PAK5: variants seen among roughly 807,000 people sequenced by gnomAD.
The protein encoded by PAK5 is serine/threonine-protein kinase PAK 5.
Under a neutral mutation model 65.9 loss-of-function variants are expected in PAK5, and 16 were observed. The ratio of observed to expected loss-of-function variants is 0.24; its 90% CI spans 0.16 to 0.37. The LOEUF is 0.37. Ranked by LOEUF, PAK5 falls within the 10% of genes least tolerant of loss-of-function variation. PAK5 has a pLI of 1.00. For synonymous variants in PAK5, 371 were observed against 354.9 expected, an observed-to-expected ratio of 1.05 and a Z score of -0.51; for missense variants, 785 against 903.9, an observed-to-expected ratio of 0.87 and a Z score of 1.69.
At chr20:9,625,332 TA>T (rs2046829011) in intron 3 of PAK5, among the ~76,000 whole-genome samples, 1 of 152,188 alleles carries the variant, frequency 6.6e-6, no homozygotes, top group South Asian at 2.1e-4. Context: ...AATGGAAGAA[TA>T]ATCCATTGAG....
chr20:9,807,104 G>T (rs1600395402), intron 1 of PAK5, among the ~76,000 whole-genome samples: 1 of 152,220 alleles, frequency 6.6e-6, no homozygotes, highest in African/African-American at 2.4e-5. Flanking sequence ...GTGTGATCAT[G>T]TTGGGCCTAC....
At position 9,617,549 on chromosome 20, in the gene PAK5, C is replaced by CTTTT. The variant is rs532259417; in HGVS notation, c.204+26572_204+26575dup. Among the ~76,000 whole-genome samples, 281 of 94,606 alleles carry CTTTT rather than the reference C, an allele frequency of 3.0e-3. 8 individuals carry two copies. The highest frequency in any genetic ancestry group is 8.9e-3 in the African/African-American group (244 of 27,346). 62.1% of individuals were successfully genotyped at this position (94,606 alleles called of 152,430 possible). ...GGGATGAGACCCAAGAATCCCAATC[C>CTTTT]TTTTTTTTTTTTTTTTTTTTTTTTG... is the stretch of plus-strand genomic sequence containing the variant. On this transcript the variant is annotated intron_variant, in intron 3 of 9. Coordinates refer to ENST00000353224, the MANE Select transcript of PAK5 (RefSeq NM_177990.4).
intron 3 of PAK5, among the ~76,000 whole-genome samples, chr20:9,612,225 T>G (rs1218805531): frequency 6.6e-6 from 1 of 152,214 alleles, no homozygotes; most frequent in Non-Finnish European, 1.5e-5. Context: ...CAGTTCTCAC[T>G]GGGCCCTGTC....
chr20:9,677,435 G>A (rs1479899658), intron 2 of PAK5, among the ~76,000 whole-genome samples: 3 of 152,116 alleles, frequency 2.0e-5, no homozygotes, highest in Non-Finnish European at 4.4e-5. Context: ...TAGGAGCAGG[G>A]CCTGCACCAT....
intron 1 of PAK5, among the ~76,000 whole-genome samples, chr20:9,745,496 T>C (rs935771772): frequency 3.3e-5 from 5 of 152,154 alleles, no homozygotes; most frequent in Non-Finnish European, 7.4e-5. Context: ...GTCAATTTAA[T>C]ACCTATAACT....
chr20:9,803,056 AG>A (rs2049191261), intron 1 of PAK5, among the ~76,000 whole-genome samples: 1 of 151,484 alleles, frequency 6.6e-6, no homozygotes, highest in Non-Finnish European at 1.5e-5. Flanking sequence ...ATTTCAAGTC[AG>A]AAAATCACAA....
chr20:9,727,186 A>G (rs1365645708), intron 1 of PAK5, among the ~76,000 whole-genome samples: 1 of 152,162 alleles, frequency 6.6e-6, no homozygotes, highest in Non-Finnish European at 1.5e-5. Context: ...GAAAACATAA[A>G]TTATTTCTGT....
intron 1 of PAK5, among the ~76,000 whole-genome samples, chr20:9,797,266 G>A (rs568619955): frequency 1.3e-5 from 2 of 151,870 alleles, no homozygotes; most frequent in African/African-American, 4.8e-5. Flanking sequence ...ATTTGTTTGT[G>A]TTCTTTGTAG....
rs113665133 is a variant in PAK5, at chr20:9,743,516, CA to C, written c.-161-32082del. Among the ~76,000 whole-genome samples, 972 of 152,184 alleles carry C rather than the reference CA, an allele frequency of 6.4e-3. 12 individuals carry two copies. Among genetic ancestry groups the C allele is most frequent in the African/African-American group, 0.022 (930 of 41,524 alleles). ...TATCAGACTCTTAGGTAATGCCTGTCAGTGACTCCTAAACCAAAATGCATCC... is the reference window on the plus strand; with the variant it reads ...TATCAGACTCTTAGGTAATGCCTGTCGTGACTCCTAAACCAAAATGCATCC... On this transcript the variant is annotated intron_variant, in intron 1 of 9. Coordinates refer to ENST00000353224, the MANE Select transcript of PAK5 (RefSeq NM_177990.4).
At chr20:9,753,613 T>C (rs534447917) in intron 1 of PAK5, among the ~76,000 whole-genome samples, 3 of 152,152 alleles carry the variant, frequency 2.0e-5, no homozygotes, top group African/African-American at 4.8e-5. Context: ...TCACTCATAC[T>C]CATATCCCTC....
At chr20:9,660,887 C>T (rs1440731897) in intron 2 of PAK5, among the ~76,000 whole-genome samples, 1 of 152,046 alleles carries the variant, frequency 6.6e-6, no homozygotes, top group African/African-American at 2.4e-5. Context: ...CCGCACAGGG[C>T]AGTAGTTCTT....
At chr20:9,784,345 C>G (rs1267398826) in intron 1 of PAK5, 1 of 152,040 alleles carries the variant, frequency 6.6e-6, no homozygotes, top group Non-Finnish European at 1.5e-5. Context: ...ATAAATTCAG[C>G]TTAAGATATT....
chr20:9,570,950 C>A (rs765267473), intron 4 of PAK5, among the ~76,000 whole-genome samples: 14 of 152,206 alleles, frequency 9.2e-5, no homozygotes, highest in Non-Finnish European at 1.8e-4. Context: ...ACCAAGGGGA[C>A]AATTTCCAGG....
intron 3 of PAK5, among the ~76,000 whole-genome samples, chr20:9,642,666 G>T (rs1270449721): frequency 6.6e-6 from 1 of 152,188 alleles, no homozygotes; most frequent in Non-Finnish European, 1.5e-5. Context: ...CTCTTAGGGA[G>T]AAAATTATGT....
chr20:9,661,499 G>C (rs528238013), intron 2 of PAK5, among the ~76,000 whole-genome samples: 7 of 152,144 alleles, frequency 4.6e-5, no homozygotes, highest in African/African-American at 1.4e-4. Context: ...CTTTTTTATG[G>C]GCATAATGAA....
intron 1 of PAK5, among the ~76,000 whole-genome samples, chr20:9,782,817 T>C (rs1189597428): frequency 2.0e-5 from 3 of 152,136 alleles, no homozygotes; most frequent in African/African-American, 2.4e-5. Flanking sequence ...GTGATGACTA[T>C]AGGGTCCCAG....
intron 3 of PAK5, among the ~76,000 whole-genome samples, chr20:9,605,917 G>A (rs997486198): frequency 1.3e-5 from 2 of 152,010 alleles, no homozygotes; most frequent in Non-Finnish European, 2.9e-5. Flanking sequence ...GTGACAGAGC[G>A]AGACTCCATC....
At position 9,644,119 on chromosome 20, in the gene PAK5, C is replaced by G. The variant is rs752970782; in HGVS notation, c.204+6G>C. 2 of 1,611,570 alleles carry G rather than the reference C, an allele frequency of 1.2e-6. No individual in the cohort carries two copies. Among genetic ancestry groups the G allele is most frequent in the Non-Finnish European group, 1.7e-6 (2 of 1,177,738 alleles). Reference sequence around the variant, plus strand: ...AGCCCAGCCAAAGATGGAGCCCTCACCATACCTTCATAGGAGCCAGCTGGA... The same window carrying G: ...AGCCCAGCCAAAGATGGAGCCCTCAGCATACCTTCATAGGAGCCAGCTGGA... On this transcript the variant is annotated splice_donor_region_variant and intron_variant, in intron 3 of 9. Coordinates refer to ENST00000353224, the MANE Select transcript of PAK5 (RefSeq NM_177990.4).
At chr20:9,546,273 C>T (rs2045343083) in intron 7 of PAK5, among the ~76,000 whole-genome samples, 2 of 152,162 alleles carry the variant, frequency 1.3e-5, no homozygotes, top group Admixed American at 1.3e-4. Context: ...TCTCTCTATC[C>T]ATCCATCTAT....
Sources: gnomAD v4.1 joint callset for allele counts (sites outside exome capture counted in the v4.1 genomes callset) on GRCh38, gnomAD v4.1.1 for gene constraint, MANE v1.5 for transcripts, NCBI Gene and HGNC (gene_info 2026-07-23, HGNC 2026-07-21) for gene names.